The following GPATCH8 variants were observed in gnomAD, a reference collection of about 807,000 sequenced individuals.
The protein encoded by GPATCH8 is G-patch domain containing 8.
In GPATCH8, 18 loss-of-function variants were observed where a neutral mutation model predicts 118.3. That is an observed-to-expected ratio of 0.15 (90% CI 0.11 to 0.23). The LOEUF (loss-of-function observed/expected upper bound fraction) is 0.23. Ranked by LOEUF, GPATCH8 falls within the 10% of genes least tolerant of loss-of-function variation. The pLI is 1.00. For missense variants in GPATCH8, 1,631 were observed against 1,873.8 expected, an observed-to-expected ratio of 0.87 and a Z score of 2.39; for synonymous variants, 659 against 684.7, an observed-to-expected ratio of 0.96 and a Z score of 0.59.
Position 44,399,378 on chromosome 17 carries a change from C to T in GPATCH8, c.2699G>A (p.Arg900Lys). 6.2e-7 allele frequency: 1 copy of T among 1,614,150 alleles called. No homozygotes were observed. ...GGAGCGCTTGGAGTGCCTTCGTGAT[C>T]TGTCACTGTAGTCACTGTAGCTGTC... ...SDDSYSDYSD[R>K]SRRHSKRSHD... Residue 900 changes from arginine to lysine, a missense_variant, in exon 8 of 8, where the codon AGA becomes AAA. Around this residue, in one of 8 missense-constraint regions of GPATCH8, gnomAD observed 922 missense variants for 879.7 expected, o/e 1.05. Transcript: ENST00000591680.
In GPATCH8 at chr17:44,399,891, C is replaced by A; in HGVS notation, c.2186G>T (p.Arg729Leu). Residue 729 changes from arginine to leucine, a missense_variant, in exon 8 of 8, where the codon CGA (arginine) becomes CTA (leucine). Arg to Leu is a moderately radical substitution (Grantham distance 102). Transcript: ENST00000591680. ...CCCAGGGGGTTCTGGTTTGGGTCCT[C>A]GTTCAGAATCTGCTGGGGCTGATGA... ...NKSSAPADSERGPKPEPPGSG... is the reference protein window; with the variant it reads ...NKSSAPADSELGPKPEPPGSG... The A allele has an allele frequency of 6.2e-7, 1 of 1,613,932 alleles. No individual in the cohort carries two copies. The highest frequency in any genetic ancestry group is 8.5e-7 in the Non-Finnish European group (1 of 1,179,968).
chr17:44,475,071 C>T (rs1371703589), intron 1 of GPATCH8, among the ~76,000 whole-genome samples, 168 bp from the exon 2 acceptor site: 2 of 151,896 alleles, frequency 1.3e-5, no homozygotes, highest in Non-Finnish European at 2.9e-5. Flanking sequence ...CCACAAATTC[C>T]AACTTTTTAA....
At chr17:44,407,841 G>C (rs937816214) in intron 6 of GPATCH8, among the ~76,000 whole-genome samples, 4 of 151,952 alleles carry the variant, frequency 2.6e-5, no homozygotes, top group Non-Finnish European at 4.4e-5. Flanking sequence ...ATTTTTAGTA[G>C]AGACGAGGTT....
At chr17:44,481,246 A>G (rs751139848) in intron 1 of GPATCH8, among the ~76,000 whole-genome samples, 6 of 152,226 alleles carry the variant, frequency 3.9e-5, no homozygotes, top group Non-Finnish European at 7.3e-5. Flanking sequence ...TGATGGGAAC[A>G]TAAAATAGTA....
In GPATCH8 at chr17:44,458,768, C is replaced by T. The variant is rs148763490; in HGVS notation, c.193+5704G>A. ...TGAACCCTTGGCCTCAAGTGATCTT[C>T]CCACCTTGGCCTCCCAAAGTCCTGG... On this transcript the variant is annotated intron_variant, in intron 3 of 7. Coordinates refer to ENST00000591680, the MANE Select transcript of GPATCH8 (RefSeq NM_001002909.4). Among the ~76,000 whole-genome samples the T allele has an allele frequency of 8.4e-4, 128 of 152,282 alleles. 1 individual carries two copies. The highest frequency in any genetic ancestry group is 3.4e-3 in the Middle Eastern group (1 of 294).
chr17:44,480,895 A>C (rs952718957), intron 1 of GPATCH8, among the ~76,000 whole-genome samples: 10 of 147,006 alleles, frequency 6.8e-5, no homozygotes, highest in South Asian at 2.1e-4. Context: ...AAAACAAAAA[A>C]AAACAACCTA....
chr17:44,475,244 G>A (rs1020554991), intron 1 of GPATCH8, among the ~76,000 whole-genome samples: 3 of 151,934 alleles, frequency 2.0e-5, no homozygotes, highest in Non-Finnish European at 2.9e-5. Flanking sequence ...GCTGGCTGTG[G>A]TGGTGTGCAC....
chr17:44,469,309 T>C lies in GPATCH8; in HGVS notation c.121-4765A>G, dbSNP rs545218993. 3.3e-5 allele frequency among the ~76,000 whole-genome samples: 5 copies of C among 152,354 alleles called. No homozygotes were observed. In the South Asian group the frequency reaches 8.3e-4, roughly 25 times the overall value. Reference sequence around the variant, plus strand: ...CAGCCATTCCTCAACATTTTATTAATTAAATACCAAGTAGAAACTTTCTGC... The same window carrying C: ...CAGCCATTCCTCAACATTTTATTAACTAAATACCAAGTAGAAACTTTCTGC... On this transcript the variant is annotated intron_variant, in intron 2 of 7. Transcript: ENST00000591680.
At chr17:44,405,876 G>C (rs2049201702) in intron 7 of GPATCH8, 45 bp downstream of exon 7, 1 of 1,319,250 alleles carries the variant, frequency 7.6e-7, no homozygotes, top group Non-Finnish European at 1.1e-6. Context: ...AAAATTTTAA[G>C]GATTATAATT....
At chr17:44,401,475 TAAAAAAC>T in intron 7 of GPATCH8, 22 bp from the exon 8 acceptor site, 1 of 1,513,146 alleles carries the variant, frequency 6.6e-7, no homozygotes, top group Non-Finnish European at 9.2e-7. Flanking sequence ...TTTAGAAAAA[TAAAAAAC>T]AAAAAGCAGG....
Position 44,397,842 on chromosome 17 carries a change from TG to T in GPATCH8, c.4234del (p.His1412IlefsTer2). On this transcript the variant is annotated frameshift_variant, in exon 8 of 8. Coordinates refer to ENST00000591680, the MANE Select transcript of GPATCH8 (RefSeq NM_001002909.4). LOFTEE classifies it high-confidence loss of function. The stretch of plus-strand genomic sequence containing the variant: ...GTGGGACAAAGAAATGGGGGTCAGA[TG>T]GGGCTGGGGAATATGATGCACCTGG... Reference protein sequence around the residue: ...LAQVHHIPQPHLTPISLSHLT... With the variant: ...LAQVHHIPQPXLTPISLSHLT... The T allele has an allele frequency of 6.3e-7, 1 of 1,596,254 alleles. No individual in the cohort carries two copies. The highest frequency in any genetic ancestry group is 1.1e-5 in the South Asian group (1 of 89,336).
chr17:44,405,280 C>T (rs1294434336), intron 7 of GPATCH8, among the ~76,000 whole-genome samples: 1 of 150,482 alleles, frequency 6.6e-6, no homozygotes, highest in Non-Finnish European at 1.5e-5. Flanking sequence ...GCAATCTTGG[C>T]TCACCACAAC....
intron 3 of GPATCH8, among the ~76,000 whole-genome samples, chr17:44,449,674 G>A (rs1390290414): frequency 3.3e-5 from 5 of 151,574 alleles, no homozygotes; most frequent in Admixed American, 2.0e-4. Context: ...GCACCACAAC[G>A]CCCGGCTAAT....
At chr17:44,412,410 A>T (rs1242114788) in intron 6 of GPATCH8, among the ~76,000 whole-genome samples, 1 of 151,792 alleles carries the variant, frequency 6.6e-6, no homozygotes, top group Non-Finnish European at 1.5e-5. Context: ...TTTTTGAGAC[A>T]GAGTCTCCCT....
chr17:44,414,115 ATGTATATATATG>A (rs1474292221), intron 6 of GPATCH8, among the ~76,000 whole-genome samples: 3 of 83,466 alleles, frequency 3.6e-5, no homozygotes, highest in Non-Finnish European at 7.7e-5. Flanking sequence ...GTATATATAT[ATGTATATATATG>A]TGTATATATA....
intron 2 of GPATCH8, 47 bp from the exon 3 acceptor site, chr17:44,464,591 A>G: frequency 9.5e-7 from 1 of 1,049,334 alleles, no homozygotes; most frequent in Non-Finnish European, 1.5e-6. Flanking sequence ...CCAATAATAT[A>G]TTCTTCCCTT....
chr17:44,433,187 C>T (rs898958933), intron 5 of GPATCH8, among the ~76,000 whole-genome samples: 1 of 152,012 alleles, frequency 6.6e-6, no homozygotes, highest in African/African-American at 2.4e-5. Context: ...TCTTATGAGG[C>T]TGTGAATTAC....
chr17:44,456,768 A>G lies in GPATCH8; in HGVS notation c.193+7704T>C, dbSNP rs761949595. Among the ~76,000 whole-genome samples, 3 of 152,216 alleles carry G rather than the reference A, an allele frequency of 2.0e-5. No individual in the cohort carries two copies. In the East Asian group the frequency reaches 5.8e-4, roughly 29 times the overall value. ...TGGGAAGGAGGTATACATAAATAAA[A>G]CCAAAGAAATACCCCCAACTCTACT... On this transcript the variant is annotated intron_variant, in intron 3 of 7. Transcript: ENST00000591680.
intron 2 of GPATCH8, chr17:44,467,180 T>C (rs2051800921): frequency 8.1e-6 from 5 of 613,552 alleles, no homozygotes; most frequent in Non-Finnish European, 1.3e-5. Context: ...GGTCGTTTTT[T>C]TTTTTGTCTT....
Sources: allele counts gnomAD v4.1 joint callset (sites outside exome capture counted in the v4.1 genomes callset), GRCh38; gene constraint gnomAD v4.1.1; regional missense constraint gnomAD v4.1.1; transcripts MANE v1.5; gene names NCBI Gene and HGNC (gene_info 2026-07-23, HGNC 2026-07-21).